Variants in RNF217 observed in about 807,000 individuals in gnomAD.
The protein encoded by RNF217 is ring finger protein 217.
RNF217 carries 31 observed loss-of-function variants against 57.8 expected under a neutral mutation model. The ratio of observed to expected loss-of-function variants is 0.54; its 90% CI spans 0.40 to 0.72. The LOEUF (loss-of-function observed/expected upper bound fraction) is 0.72, where lower values mean the gene tolerates loss of function less well. Ranked by LOEUF, RNF217 falls within the 30% of genes least tolerant of loss-of-function variation. The pLI is 0.00. For missense variants in RNF217, 696 were observed against 708.3 expected (o/e 0.98, Z 0.20); for synonymous variants, 313 against 294.0 (o/e 1.06, Z -0.66).
chr6:124,983,336 G>A (rs1247113852), intron 1 of RNF217: 2 of 980,596 alleles, frequency 2.0e-6, no homozygotes, highest in Non-Finnish European at 2.4e-6. Context: ...TAACTAAGAT[G>A]TGGGATAGAA....
At chr6:125,043,848 A>G (rs1298821857) in intron 1 of RNF217, among the ~76,000 whole-genome samples, 1 of 152,106 alleles carries the variant, frequency 6.6e-6, no homozygotes, top group Non-Finnish European at 1.5e-5. Context: ...GTAGCATAAA[A>G]TTATGCAACA....
chr6:125,078,224 C>T (rs6929881), intron 4 of RNF217, among the ~76,000 whole-genome samples: 2,138 of 152,234 alleles, frequency 0.014, 45 homozygotes, highest in African/African-American at 0.047. Flanking sequence ...GGAATCTAAC[C>T]TTAACCTCTA....
At chr6:124,997,461 C>T (rs1250901692) in intron 1 of RNF217, among the ~76,000 whole-genome samples, 4 of 151,784 alleles carry the variant, frequency 2.6e-5, no homozygotes, top group Non-Finnish European at 5.9e-5. Context: ...TCACACAACT[C>T]GAGTTAATAT....
chr6:125,074,648 A>G (rs1261622580), intron 3 of RNF217, among the ~76,000 whole-genome samples: 4 of 152,162 alleles, frequency 2.6e-5, no homozygotes, highest in South Asian at 2.1e-4. Context: ...CTCCTTTCAC[A>G]GAACTCTTCT....
chr6:124,996,252 AC>A (rs1784749194), intron 1 of RNF217, among the ~76,000 whole-genome samples: 2 of 152,046 alleles, frequency 1.3e-5, no homozygotes, highest in South Asian at 4.1e-4. Flanking sequence ...TGTGTTCATT[AC>A]CCTCATTTAT....
At chr6:124,990,550 A>G (rs371642530) in intron 1 of RNF217, among the ~76,000 whole-genome samples, 4 of 152,208 alleles carry the variant, frequency 2.6e-5, no homozygotes, top group Non-Finnish European at 4.4e-5. Flanking sequence ...TGCTTAGACC[A>G]GAACTTTGGA....
At position 125,090,867 on chromosome 6, in the gene RNF217, A is replaced by G. The variant is rs1440609503; in HGVS notation, c.*7930A>G. On this transcript the variant is annotated 3_prime_UTR_variant, in exon 6 of 6. Coordinates refer to ENST00000521654, the MANE Select transcript of RNF217 (RefSeq NM_001286398.3). ...ACCTTTTCTCCATTTCATTAGTTAT[A>G]CTATTAACTTTGATAATCACAAAAC... 1 of 151,978 alleles carries G rather than the reference A, an allele frequency of 6.6e-6. No individual in the cohort carries two copies. The highest frequency in any genetic ancestry group is 1.5e-5 in the Non-Finnish European group (1 of 67,890). The allele number at this position is 151,978 out of a possible 1,614,324, so 9.4% of individuals were successfully genotyped here.
At chr6:125,043,391 C>A (rs992379309) in intron 1 of RNF217, among the ~76,000 whole-genome samples, 1 of 151,846 alleles carries the variant, frequency 6.6e-6, no homozygotes, top group Non-Finnish European at 1.5e-5. Context: ...CTCTTCTGAT[C>A]CCCCCAGGTC....
intron 1 of RNF217, among the ~76,000 whole-genome samples, chr6:125,030,779 G>A (rs552621774): frequency 4.5e-4 from 69 of 152,126 alleles, no homozygotes; most frequent in Non-Finnish European, 8.7e-4. Flanking sequence ...CAAGCTGTCG[G>A]TGGATGTACC....
chr6:124,990,499 G>C (rs1472618286), intron 1 of RNF217, among the ~76,000 whole-genome samples: 1 of 152,270 alleles, frequency 6.6e-6, no homozygotes, highest in African/African-American at 2.4e-5. Context: ...TTTATTTATA[G>C]TTTTCACCAT....
chr6:125,076,351 C>T (rs1788369909), intron 3 of RNF217, among the ~76,000 whole-genome samples: 1 of 152,068 alleles, frequency 6.6e-6, no homozygotes, highest in Non-Finnish European at 1.5e-5. Flanking sequence ...GCCTCCTAAC[C>T]GTTGAATTAG....
At chr6:124,989,782 C>A (rs567128237) in intron 1 of RNF217, among the ~76,000 whole-genome samples, 2 of 151,686 alleles carry the variant, frequency 1.3e-5, no homozygotes, top group African/African-American at 4.8e-5. Flanking sequence ...AAATAATTTA[C>A]TGAACTCTGT....
chr6:125,032,775 G>T (rs1427714876), intron 1 of RNF217, among the ~76,000 whole-genome samples: 1 of 152,074 alleles, frequency 6.6e-6, no homozygotes, highest in Non-Finnish European at 1.5e-5. Context: ...TGCATAAGAG[G>T]ATAAGGGAGC....
intron 4 of RNF217, among the ~76,000 whole-genome samples, chr6:125,077,568 CA>C (rs1363466671): frequency 3.3e-5 from 5 of 152,122 alleles, no homozygotes; most frequent in African/African-American, 4.8e-5. Flanking sequence ...TGCCCATAAA[CA>C]AATCACCCTG....
At chr6:125,047,189 C>T (rs929597310) in intron 2 of RNF217, among the ~76,000 whole-genome samples, 3 of 151,854 alleles carry the variant, frequency 2.0e-5, no homozygotes. Context: ...GAAACTGAGA[C>T]TATACTAATT....
intron 1 of RNF217, among the ~76,000 whole-genome samples, chr6:125,025,563 G>A (rs751889346): frequency 1.6e-4 from 18 of 115,458 alleles, no homozygotes; most frequent in South Asian, 5.9e-4. Context: ...AGGAAGGAAG[G>A]AAGAAAAGAA....
chr6:125,005,968 G>T (rs1236772916), intron 1 of RNF217: 2 of 152,122 alleles, frequency 1.3e-5, no homozygotes, highest in East Asian at 3.9e-4. Flanking sequence ...GGTCAGAAAA[G>T]GTGTTTGTTA....
intron 2 of RNF217, 151 bp downstream of exon 2, chr6:125,045,595 G>A (rs1787067494): frequency 3.3e-6 from 2 of 615,046 alleles, no homozygotes; most frequent in Admixed American, 3.1e-5. Flanking sequence ...CATATGGTTT[G>A]GGGAGGCTGA....
intron 1 of RNF217, chr6:124,971,491 C>T (rs189273553): frequency 1.2e-5 from 4 of 336,304 alleles, no homozygotes; most frequent in African/African-American, 8.9e-5. Flanking sequence ...GAGTCTCACT[C>T]TGTCACCAGG....
Sources: allele counts gnomAD v4.1 joint callset (sites outside exome capture counted in the v4.1 genomes callset), GRCh38; gene constraint gnomAD v4.1.1; transcripts MANE v1.5; gene names NCBI Gene and HGNC (gene_info 2026-07-23, HGNC 2026-07-21).